The following RIMBP2 variants were observed in gnomAD, a reference collection of about 807,000 sequenced individuals.
RIMBP2 encodes the protein RIMS-binding protein 2.
In RIMBP2, 48 loss-of-function variants were observed where a neutral mutation model predicts 118.6. That is an observed-to-expected ratio of 0.40 (90% confidence interval 0.32 to 0.51). The LOEUF is 0.51. Ranked by LOEUF, RIMBP2 falls within the 20% of genes least tolerant of loss-of-function variation. The pLI is 0.41. For synonymous variants in RIMBP2, 762 were observed against 742.9 expected (o/e 1.03, Z -0.42); for missense variants, 1,551 against 1,768.3 (o/e 0.88, Z 2.20).
intron 2 of RIMBP2, among the ~76,000 whole-genome samples, chr12:130,562,574 T>G (rs1677195284): frequency 6.6e-6 from 1 of 152,174 alleles, no homozygotes; most frequent in South Asian, 2.1e-4. Context: ...AGAAAAATCT[T>G]TTCTAGTAGC....
At chr12:130,638,468 C>T (rs528849590) in intron 1 of RIMBP2, among the ~76,000 whole-genome samples, 40 of 152,308 alleles carry the variant, frequency 2.6e-4, no homozygotes, top group African/African-American at 8.4e-4. Context: ...GGAACGAGGC[C>T]GCACAGCAGG....
At chr12:130,544,211 C>T (rs964553327) in intron 2 of RIMBP2, among the ~76,000 whole-genome samples, 3 of 152,188 alleles carry the variant, frequency 2.0e-5, no homozygotes, top group Admixed American at 2.0e-4. Flanking sequence ...ACACACCCCA[C>T]CCTCTCAATG....
chr12:130,515,714 T>C (rs2051379434), intron 3 of RIMBP2, among the ~76,000 whole-genome samples: 1 of 151,822 alleles, frequency 6.6e-6, no homozygotes, highest in Non-Finnish European at 1.5e-5. Context: ...TTTTTTTTTC[T>C]TGAGACTGAG....
intron 2 of RIMBP2, among the ~76,000 whole-genome samples, chr12:130,542,893 T>C (rs112055100): frequency 1.2e-4 from 19 of 152,234 alleles, no homozygotes; most frequent in African/African-American, 4.6e-4. Context: ...TACATTTCCA[T>C]TGTTCCTCAT....
Position 130,456,565 on chromosome 12 carries a change from C to T in RIMBP2, c.289G>A (p.Asp97Asn). ...LLGGSAVAPL[D>N]ISTAPSKPFP... is the part of the protein sequence containing the mutation. ...GGCTTGCTGGGGGCCGTGGAGATGT[C>T]CAGGGGGGCCACCGCGCTGCCACCC... is the stretch of plus-strand genomic sequence containing the variant. The change falls in exon 7 of 23, where the codon GAC becomes AAC. Residue 97 changes from aspartate to asparagine, a missense_variant. Physicochemically the swap from Asp to Asn is conservative, Grantham distance 23 (BLOSUM62 1). This residue lies in a region of RIMBP2 where 239 missense variants were observed against 256.8 expected (regional missense o/e 0.93). Transcript: ENST00000690449. 1 of 1,613,188 alleles carries T rather than the reference C, an allele frequency of 6.2e-7. No individual in the cohort carries two copies. Among genetic ancestry groups the T allele is most frequent in the Non-Finnish European group, 8.5e-7 (1 of 1,179,498 alleles).
At chr12:130,486,914 A>T (rs961736683) in intron 4 of RIMBP2, among the ~76,000 whole-genome samples, 6 of 150,076 alleles carry the variant, frequency 4.0e-5, no homozygotes, top group African/African-American at 1.5e-4. Context: ...TTCTGCCCCG[A>T]GACAGCTCCT....
rs933099118 is a variant in RIMBP2 at position 130,469,346 on chromosome 12, G to A, written c.153+1347C>T. 2.6e-5 allele frequency among the ~76,000 whole-genome samples: 4 copies of A among 152,202 alleles called. No homozygotes were observed. The highest frequency in any genetic ancestry group is 4.4e-5 in the Non-Finnish European group (3 of 68,044). On this transcript the variant is annotated intron_variant, in intron 6 of 22. Coordinates refer to ENST00000690449, the MANE Select transcript of RIMBP2 (RefSeq NM_001393629.1). The surrounding 1 kb of genome is among the most constrained non-coding windows in gnomAD (Gnocchi z 4.8). ...GGGTGACAGGTGACAGCGGGATCAT[G>A]GTGGAGCAGTCCCTCAGAGGCGGAT...
At chr12:130,637,352 T>A (rs977390643) in intron 1 of RIMBP2, among the ~76,000 whole-genome samples, 1 of 152,210 alleles carries the variant, frequency 6.6e-6, no homozygotes, top group Admixed American at 6.5e-5. Flanking sequence ...CCTAGAGCAG[T>A]GCCTGGAACG....
chr12:130,441,194 AG>A (rs1467363383), intron 11 of RIMBP2, among the ~76,000 whole-genome samples: 1 of 152,014 alleles, frequency 6.6e-6, no homozygotes, highest in African/African-American at 2.4e-5. Context: ...CGAGGTCAAG[AG>A]TTTGAGACGA....
rs956453348 is a variant in RIMBP2, at chr12:130,434,941, C to T, written c.2107-61G>A. On this transcript the variant is annotated intron_variant, in intron 13 of 22. Coordinates refer to ENST00000690449, the MANE Select transcript of RIMBP2 (RefSeq NM_001393629.1). This position sits in a 1 kb window ranked among gnomAD's most constrained non-coding sequence, Gnocchi z 5.7. ...GGCCACCTTCAGCTACGCTCAGCCC[C>T]ACCTGCATTCACCAAACCTTCAGCC... 1.3e-6 allele frequency: 2 copies of T among 1,510,962 alleles called. No homozygotes were observed. Among genetic ancestry groups the T allele is most frequent in the East Asian group, 2.4e-5 (1 of 42,450 alleles). The allele number at this position is 1,510,962 out of a possible 1,614,324, so 93.6% of individuals were successfully genotyped here.
At chr12:130,644,159 T>C (rs1017564443) in intron 1 of RIMBP2, among the ~76,000 whole-genome samples, 1 of 152,018 alleles carries the variant, frequency 6.6e-6, no homozygotes, top group Non-Finnish European at 1.5e-5. Context: ...GCCTGTAGCC[T>C]CTCCCATTGA....
intron 2 of RIMBP2, among the ~76,000 whole-genome samples, chr12:130,570,390 C>T (rs1331859190): frequency 6.6e-6 from 1 of 152,206 alleles, no homozygotes; most frequent in African/African-American, 2.4e-5. Context: ...CACACCACTG[C>T]ACTCCAGCCT....
At chr12:130,445,912 T>A (rs1296079731) in intron 9 of RIMBP2, among the ~76,000 whole-genome samples, 1 of 152,190 alleles carries the variant, frequency 6.6e-6, no homozygotes, top group Non-Finnish European at 1.5e-5. Context: ...TTCTTCCTAA[T>A]GATAAATCCT....
intron 2 of RIMBP2, among the ~76,000 whole-genome samples, chr12:130,616,643 G>A (rs1168181722): frequency 5.9e-5 from 9 of 152,202 alleles, no homozygotes; most frequent in Non-Finnish European, 1.3e-4. Flanking sequence ...TGAGATAGAG[G>A]TTACGGAATC....
At chr12:130,700,676 C>A (rs532248990) in intron 1 of RIMBP2, among the ~76,000 whole-genome samples, 1 of 152,234 alleles carries the variant, frequency 6.6e-6, no homozygotes, top group African/African-American at 2.4e-5. Flanking sequence ...GCCCTGCCAG[C>A]GCCTGGATCT....
intron 2 of RIMBP2, among the ~76,000 whole-genome samples, chr12:130,570,819 C>T (rs926992767): frequency 4.6e-5 from 7 of 152,138 alleles, no homozygotes; most frequent in African/African-American, 1.7e-4. Context: ...TGGGAATAAT[C>T]AACAAGGTCA....
At chr12:130,602,923 C>G (rs542067100) in intron 2 of RIMBP2, among the ~76,000 whole-genome samples, 10 of 152,110 alleles carry the variant, frequency 6.6e-5, no homozygotes, top group Non-Finnish European at 1.0e-4. Flanking sequence ...TAACACACCC[C>G]CTCCCGGAAG....
At position 130,414,289 on chromosome 12, in the gene RIMBP2, G is replaced by A. The variant is rs559946241; in HGVS notation, c.3256C>T (p.Arg1086Cys). Reference protein sequence around the residue: ...VPSIDDYGRDRLSPDFYEESE... With the variant: ...VPSIDDYGRDCLSPDFYEESE... ...TCTTCATAGAAGTCTGGAGAAAGGC[G>A]GTCTCGCCCGTAATCGTCTGCGAGC... Residue 1086 changes from arginine (R) to cysteine (C), a missense_variant, in exon 18 of 23, where the codon CGC becomes TGC. Arg to Cys is a radical substitution (Grantham distance 180). Around this residue, in one of 5 missense-constraint regions of RIMBP2, gnomAD observed 1,038 missense variants for 1,125.1 expected, o/e 0.92. Transcript: ENST00000690449. The A allele has an allele frequency of 4.4e-5, 70 of 1,596,936 alleles. No homozygotes were observed. The highest frequency in any genetic ancestry group is 6.7e-5 in the East Asian group (3 of 44,662).
chr12:130,530,673 G>T (rs980745929), intron 2 of RIMBP2, among the ~76,000 whole-genome samples: 4 of 152,156 alleles, frequency 2.6e-5, no homozygotes, highest in African/African-American at 9.7e-5. Flanking sequence ...TGCCACAAAT[G>T]ACAAAGCAAT....
Sources: allele counts gnomAD v4.1 joint callset (sites outside exome capture counted in the v4.1 genomes callset), GRCh38; gene constraint gnomAD v4.1.1; regional missense constraint gnomAD v4.1.1; non-coding constraint Gnocchi (gnomAD v3.1); transcripts MANE v1.5; gene names NCBI Gene and HGNC (gene_info 2026-07-23, HGNC 2026-07-21).